The following CUX1 variants were observed in gnomAD, a reference collection of about 807,000 sequenced individuals.
CUX1 encodes cut like homeobox 1.
A neutral mutation model predicts 158.8 loss-of-function variants in CUX1; 31 were observed. The observed-to-expected ratio is 0.20, with a 90% CI of 0.15 to 0.26. The LOEUF (loss-of-function observed/expected upper bound fraction) is 0.26, where lower values mean the gene tolerates loss of function less well. CUX1 is among the 10% of genes least tolerant of loss of function. CUX1 has a pLI of 1.00. For synonymous variants in CUX1, 879 were observed against 862.1 expected, an observed-to-expected ratio of 1.02 and a Z score of -0.34; for missense variants, 1,589 against 2,014.6, an observed-to-expected ratio of 0.79 and a Z score of 4.04.
At chr7:101,854,831 G>T (rs1233622794) in intron 1 of CUX1, among the ~76,000 whole-genome samples, 1 of 152,084 alleles carries the variant, frequency 6.6e-6, no homozygotes, top group Admixed American at 6.5e-5. Context: ...TGCAACCTCC[G>T]CCTCCTGGGT....
intron 2 of CUX1, among the ~76,000 whole-genome samples, chr7:101,937,585 A>G (rs1344654616): frequency 6.6e-6 from 1 of 151,394 alleles, no homozygotes; most frequent in East Asian, 1.9e-4. Context: ...ATCTTGGCCC[A>G]TTGCAACCCC....
At chr7:101,864,755 TG>T (rs1797779109) in intron 1 of CUX1, among the ~76,000 whole-genome samples, 1 of 152,098 alleles carries the variant, frequency 6.6e-6, no homozygotes, top group Non-Finnish European at 1.5e-5. Flanking sequence ...TTCACCATAT[TG>T]GTCAGACTGG....
intron 22 of CUX1, among the ~76,000 whole-genome samples, chr7:102,235,961 G>C (rs1482695534): frequency 1.3e-5 from 2 of 152,046 alleles, no homozygotes; most frequent in Non-Finnish European, 2.9e-5. Context: ...CCCTATGGGG[G>C]TTCCTTTATA....
chr7:101,837,080 G>A (rs915271569), intron 1 of CUX1, among the ~76,000 whole-genome samples: 1 of 152,180 alleles, frequency 6.6e-6, no homozygotes, highest in South Asian at 2.1e-4. Flanking sequence ...AATCCAGGTC[G>A]TAGCAACTTG....
intron 1 of CUX1, among the ~76,000 whole-genome samples, chr7:101,877,344 CAT>C (rs527920845): frequency 1.4e-4 from 22 of 152,316 alleles, no homozygotes; most frequent in African/African-American, 5.3e-4. Flanking sequence ...TTTGTATGCA[CAT>C]AGTCTAGCAT....
chr7:102,100,004 G>A (rs1563241635), intron 5 of CUX1, among the ~76,000 whole-genome samples: 2 of 152,104 alleles, frequency 1.3e-5, no homozygotes, highest in Non-Finnish European at 2.9e-5. Flanking sequence ...TCCAGGCCAG[G>A]TGCAGCGACT....
At chr7:101,972,492 A>G (rs1404054697) in intron 2 of CUX1, among the ~76,000 whole-genome samples, 1 of 152,226 alleles carries the variant, frequency 6.6e-6, no homozygotes, top group Non-Finnish European at 1.5e-5. Context: ...GAAGCGTGTC[A>G]TGGATCCCGC....
At chr7:102,136,631 C>T (rs1163383710) in intron 8 of CUX1, among the ~76,000 whole-genome samples, 2 of 152,166 alleles carry the variant, frequency 1.3e-5, no homozygotes, top group Non-Finnish European at 2.9e-5. Flanking sequence ...CGTCATGATC[C>T]GCCCACCTTG....
intron 4 of CUX1, among the ~76,000 whole-genome samples, chr7:102,087,466 G>A (rs1828064686): frequency 6.6e-6 from 1 of 152,108 alleles, no homozygotes; most frequent in South Asian, 2.1e-4. Flanking sequence ...TGTAATCCTA[G>A]CTACTCAGGA....
chr7:102,258,165 A>G lies in CUX1; in HGVS notation c.*9123A>G. The G allele has an allele frequency of 2.0e-6, 2 of 985,182 alleles. No individual in the cohort carries two copies. Among genetic ancestry groups the G allele is most frequent in the Non-Finnish European group, 2.4e-6 (2 of 829,730 alleles). The allele number at this position is 985,182 out of a possible 1,614,324, so 61.0% of individuals were successfully genotyped here. ...AGCAATATCACTGTATGAGACTCACACCATGTATTATTATTCACTAGCACC... is the reference window on the plus strand; with the variant it reads ...AGCAATATCACTGTATGAGACTCACGCCATGTATTATTATTCACTAGCACC... On this transcript the variant is annotated 3_prime_UTR_variant, in exon 24 of 24. Transcript: ENST00000292535.
At position 102,193,902 on chromosome 7, in the gene CUX1, A is replaced by T. The variant is rs1794530327; in HGVS notation, c.1125+12A>T. The T allele has an allele frequency of 6.2e-7, 1 of 1,613,788 alleles. No individual in the cohort carries two copies. ...GCGCTGGGACACAGGTACGTGTCTC[A>T]CCTCAATGGTCAGCACTAGCATCAG... is the stretch of plus-strand genomic sequence containing the variant. On this transcript the variant is annotated intron_variant, in intron 13 of 23. Coordinates refer to ENST00000292535, the MANE Select transcript of CUX1 (RefSeq NM_181552.4).
intron 2 of CUX1, among the ~76,000 whole-genome samples, chr7:102,014,006 G>GT (rs1031702247): frequency 1.3e-5 from 2 of 152,164 alleles, no homozygotes; most frequent in African/African-American, 2.4e-5. Flanking sequence ...TGCCCAGCCT[G>GT]TTTTTTGTTT....
chr7:102,062,254 G>C lies in CUX1; in HGVS notation c.190-8085G>C, dbSNP rs75226206. Among the ~76,000 whole-genome samples, 928 of 152,290 alleles carry C rather than the reference G, an allele frequency of 6.1e-3. 9 individuals carry two copies. The highest frequency in any genetic ancestry group is 0.022 in the African/African-American group (897 of 41,562). On this transcript the variant is annotated intron_variant, in intron 3 of 23. Transcript: ENST00000292535. ...TACACCACAAGTCACGTGGCAGTGG[G>C]CAGCGATGTGTGACGCCTCCTCCAG... is the stretch of plus-strand genomic sequence containing the variant.
chr7:102,030,691 G>GGTTTT (rs537970250), intron 3 of CUX1, among the ~76,000 whole-genome samples: 2 of 119,386 alleles, frequency 1.7e-5, no homozygotes, highest in African/African-American at 6.2e-5. Flanking sequence ...TTTAAAAAGT[G>GGTTTT]TTTTTTTTTT....
At chr7:102,199,124 C>T (rs112283012) in intron 16 of CUX1, among the ~76,000 whole-genome samples, 2 of 152,246 alleles carry the variant, frequency 1.3e-5, no homozygotes, top group African/African-American at 4.8e-5. Flanking sequence ...GAATCCCAGC[C>T]CACTTCAGAT....
chr7:101,893,082 T>C (rs553240438), intron 1 of CUX1, among the ~76,000 whole-genome samples: 474 of 151,990 alleles, frequency 3.1e-3, no homozygotes, highest in Non-Finnish European at 5.7e-3. Context: ...ATGAAATGTT[T>C]GTTGATAACA....
chr7:101,906,615 G>A (rs1802789655), intron 1 of CUX1, among the ~76,000 whole-genome samples: 1 of 152,052 alleles, frequency 6.6e-6, no homozygotes, highest in Non-Finnish European at 1.5e-5. Context: ...CCCGTGTCCT[G>A]GAGGACTGTG....
At chr7:102,174,981 G>C (rs879953280) in intron 10 of CUX1, among the ~76,000 whole-genome samples, 1 of 152,170 alleles carries the variant, frequency 6.6e-6, no homozygotes, top group Non-Finnish European at 1.5e-5. Flanking sequence ...CAGATAGAGG[G>C]AGGATGGTCA....
intron 1 of CUX1, among the ~76,000 whole-genome samples, chr7:101,850,421 C>CTTTCT (rs1456181913): frequency 3.8e-5 from 4 of 104,658 alleles, no homozygotes; most frequent in African/African-American, 1.6e-4. Flanking sequence ...TTCTTTCTTT[C>CTTTCT]TTTTTTTTTT....
Sources: gnomAD v4.1 joint callset for allele counts (sites outside exome capture counted in the v4.1 genomes callset) on GRCh38, gnomAD v4.1.1 for gene constraint, MANE v1.5 for transcripts, NCBI Gene and HGNC (gene_info 2026-07-23, HGNC 2026-07-21) for gene names.